DOCK10: variants seen among roughly 807,000 people sequenced by gnomAD.
DOCK10 encodes dedicator of cytokinesis protein 10.
DOCK10 carries 145 observed loss-of-function variants against 280.1 expected under a neutral mutation model. That is an observed-to-expected ratio of 0.52 (90% CI 0.45 to 0.59). DOCK10 has a LOEUF of 0.59. Among genes scored for constraint, DOCK10 ranks in the 20% least tolerant of loss-of-function variants. DOCK10 has a pLI of 0.00. For synonymous variants in DOCK10, 915 were observed against 942.2 expected (o/e 0.97, Z 0.53); for missense variants, 2,368 against 2,651.7 (o/e 0.89, Z 2.35).
At chr2:224,801,831 CTG>C in intron 40 of DOCK10, 83 bp downstream of exon 40, 4 of 1,388,356 alleles carry the variant, frequency 2.9e-6, no homozygotes, top group South Asian at 1.3e-5. Context: ...ACCTTAAAAA[CTG>C]TGGTTTTAGT....
intron 7 of DOCK10, among the ~76,000 whole-genome samples, chr2:224,883,777 C>G (rs947476903): frequency 2.6e-5 from 4 of 152,104 alleles, no homozygotes; most frequent in African/African-American, 9.7e-5. Flanking sequence ...AGCAGTTCCT[C>G]CATAGGAAGG....
At chr2:225,015,879 T>TA (rs1689576458) in intron 1 of DOCK10, among the ~76,000 whole-genome samples, 2 of 152,184 alleles carry the variant, frequency 1.3e-5, no homozygotes, top group South Asian at 2.1e-4. Flanking sequence ...GTATTAAAGT[T>TA]AGAGGGGGAA....
chr2:224,920,194 T>C (rs1176599974), intron 2 of DOCK10, among the ~76,000 whole-genome samples: 1 of 151,636 alleles, frequency 6.6e-6, no homozygotes, highest in African/African-American at 2.4e-5. Flanking sequence ...TCCCCAGTAG[T>C]TGAGACTACA....
intron 50 of DOCK10, among the ~76,000 whole-genome samples, chr2:224,783,241 C>A (rs756595650): frequency 2.0e-5 from 3 of 151,508 alleles, no homozygotes; most frequent in Non-Finnish European, 4.4e-5. Context: ...GAGAATTTAA[C>A]AAAACACTTT....
At chr2:224,799,957 TCAAA>T (rs761299882) in intron 41 of DOCK10, among the ~76,000 whole-genome samples, 190 bp downstream of exon 41, 14 of 152,282 alleles carry the variant, frequency 9.2e-5, no homozygotes, top group East Asian at 3.9e-4. Flanking sequence ...CGTGTACATA[TCAAA>T]CAAACATTAG....
chr2:224,828,557 T>C (rs1183903348), intron 27 of DOCK10, among the ~76,000 whole-genome samples: 1 of 152,148 alleles, frequency 6.6e-6, no homozygotes, highest in Non-Finnish European at 1.5e-5. Flanking sequence ...GCATGCACCA[T>C]GGCCACTAAG....
chr2:224,898,891 T>C (rs1700140703), intron 3 of DOCK10, among the ~76,000 whole-genome samples: 1 of 152,224 alleles, frequency 6.6e-6, no homozygotes, highest in Admixed American at 6.5e-5. Flanking sequence ...TGAGCCTTAA[T>C]ATGCTCCTTT....
intron 1 of DOCK10, among the ~76,000 whole-genome samples, chr2:224,992,795 A>C (rs1173256229): frequency 1.3e-5 from 2 of 152,164 alleles, no homozygotes; most frequent in East Asian, 3.9e-4. Context: ...TCTGGATCTA[A>C]GTTTGCTTGT....
chr2:225,001,186 G>A (rs1375353134), intron 1 of DOCK10, among the ~76,000 whole-genome samples: 2 of 151,964 alleles, frequency 1.3e-5, no homozygotes, highest in African/African-American at 4.8e-5. Flanking sequence ...CACATTCAGG[G>A]TATATGCATT....
chr2:225,024,758 G>A (rs1224251301), intron 1 of DOCK10, among the ~76,000 whole-genome samples: 2 of 151,970 alleles, frequency 1.3e-5, no homozygotes, highest in Non-Finnish European at 2.9e-5. Context: ...GGGCATAGTG[G>A]CACATGCCTG....
At chr2:224,945,995 A>G (rs1703393956) in intron 1 of DOCK10, among the ~76,000 whole-genome samples, 1 of 152,182 alleles carries the variant, frequency 6.6e-6, no homozygotes, top group Non-Finnish European at 1.5e-5. Flanking sequence ...TGCTCCGAAA[A>G]AGGCAAGCAA....
At position 224,855,578 on chromosome 2, in the gene DOCK10, A is replaced by G. The variant is rs73079843; in HGVS notation, c.1809-536T>C. On this transcript the variant is annotated intron_variant, in intron 15 of 55. Coordinates refer to ENST00000258390, the MANE Select transcript of DOCK10 (RefSeq NM_014689.3). The stretch of plus-strand genomic sequence containing the variant: ...TCCCACTCCTATAGTGTATGCGGAC[A>G]CCCCTTCCCCACCTGTCTCCCACTC... Among the ~76,000 whole-genome samples the G allele has an allele frequency of 4.8e-3, 732 of 151,938 alleles. 2 individuals are homozygous for G. Among genetic ancestry groups the G allele is most frequent in the African/African-American group, 0.017 (691 of 41,418 alleles).
chr2:224,864,643 T>C lies in DOCK10; in HGVS notation c.1512A>G (p.Glu504=). ...AVFSVSNPHS[E]IVLVAKIEKV... The stretch of plus-strand genomic sequence containing the variant: ...TTTCGATTTTGGCCACCAAAACAAT[T>C]TCAGAATGTGGATTGCTTACAGAAA... The change falls in exon 13 of 56, where the codon GAA becomes GAG. Residue 504 remains glutamate (E), a synonymous_variant. Coordinates refer to ENST00000258390, the MANE Select transcript of DOCK10 (RefSeq NM_014689.3). The C allele has an allele frequency of 1.2e-6, 2 of 1,613,396 alleles. No individual in the cohort carries two copies. Among genetic ancestry groups the C allele is most frequent in the Non-Finnish European group, 1.7e-6 (2 of 1,179,752 alleles).
chr2:224,960,722 A>G (rs1575117864), intron 1 of DOCK10, among the ~76,000 whole-genome samples: 1 of 132,458 alleles, frequency 7.5e-6, no homozygotes, highest in Admixed American at 7.8e-5. Flanking sequence ...TGAACGCATC[A>G]CCAAATTCTT....
At chr2:224,783,046 C>T (rs1038020471) in intron 50 of DOCK10, among the ~76,000 whole-genome samples, 5 of 152,120 alleles carry the variant, frequency 3.3e-5, no homozygotes, top group African/African-American at 7.3e-5. Flanking sequence ...CTGTCTGCTC[C>T]TGTTGAATCC....
intron 30 of DOCK10, among the ~76,000 whole-genome samples, chr2:224,815,460 C>G (rs1694069682): frequency 6.6e-6 from 1 of 151,430 alleles, no homozygotes; most frequent in African/African-American, 2.4e-5. Context: ...AATAACTTGG[C>G]AGTAATTTAT....
At chr2:224,856,497 C>G (rs1413954847) in intron 15 of DOCK10, among the ~76,000 whole-genome samples, 2 of 152,218 alleles carry the variant, frequency 1.3e-5, no homozygotes, top group Admixed American at 1.3e-4. Flanking sequence ...CTGACCCCAG[C>G]TGATCTCTCT....
rs11337772 is a variant in DOCK10 at position 224,885,631 on chromosome 2, TAA to T, written c.747+38_747+39del. 3.3e-6 allele frequency: 5 copies of T among 1,506,424 alleles called. No individual in the cohort carries two copies. The Admixed American group carries it at 7.1e-5, about 21-fold the overall frequency. The allele number at this position is 1,506,424 out of a possible 1,614,324, so 93.3% of individuals were successfully genotyped here. On this transcript the variant is annotated intron_variant, in intron 7 of 55. Coordinates refer to ENST00000258390, the MANE Select transcript of DOCK10 (RefSeq NM_014689.3). ...ATATTTGTTAAATATACTTTTCAAA[TAA>T]AAAAAAATCCCAAGGAGGAAAAGGG...
Position 224,845,536 on chromosome 2 carries a change from T to G in DOCK10, c.2342A>C (p.Glu781Ala), listed in dbSNP as rs1294430461. The G allele has an allele frequency of 1.9e-6, 3 of 1,612,458 alleles. No individual in the cohort carries two copies. Among genetic ancestry groups the G allele is most frequent in the East Asian group, 2.2e-5 (1 of 44,872 alleles). Residue 781 changes from glutamate (E) to alanine (A), a missense_variant, in exon 20 of 56, where the codon GAG becomes GCG. Glu to Ala is a moderately radical substitution (Grantham distance 107). Around this residue, in one of 2 missense-constraint regions of DOCK10, gnomAD observed 1,209 missense variants for 1,250.9 expected, o/e 0.97. Transcript: ENST00000258390. Reference protein sequence around the residue: ...INAKANAKKKEALETSVGYAW... With the variant: ...INAKANAKKKAALETSVGYAW... Reference sequence around the variant, plus strand: ...GGCAGTACCTGACGTTTCCAGAGCCTCCTTCTTTTTGGCATTAGCTTTTGC... The same window carrying G: ...GGCAGTACCTGACGTTTCCAGAGCCGCCTTCTTTTTGGCATTAGCTTTTGC...
Sources: allele counts gnomAD v4.1 joint callset (sites outside exome capture counted in the v4.1 genomes callset), GRCh38; gene constraint gnomAD v4.1.1; regional missense constraint gnomAD v4.1.1; transcripts MANE v1.5; gene names NCBI Gene and HGNC (gene_info 2026-07-23, HGNC 2026-07-21).